NR2F1-AS1: variants seen among roughly 807,000 people sequenced by gnomAD.
NR2F1-AS1 encodes NR2F1 antisense RNA 1.
At chr5:93,507,589 C>T (rs1751213004) in intron 4 of NR2F1-AS1, among the ~76,000 whole-genome samples, 1 of 152,086 alleles carries the variant, frequency 6.6e-6, no homozygotes, top group Non-Finnish European at 1.5e-5. Context: ...AACTCCTGAC[C>T]TCAGGTGATC....
At position 93,445,138 on chromosome 5, in the gene NR2F1-AS1, G is replaced by T. The variant is rs77424895; in HGVS notation, n.639-49596C>A. On this transcript the variant is annotated intron_variant and non_coding_transcript_variant, in intron 4 of 5. Coordinates refer to ENST00000660523, the Ensembl canonical transcript of NR2F1-AS1. ...TGACACCCTAACATCATAATTAAAA[G>T]AACTAGAGAAGCAAGAGCAAACACA... is the stretch of plus-strand genomic sequence containing the variant. Among the ~76,000 whole-genome samples, 45 of 152,114 alleles carry T rather than the reference G, an allele frequency of 3.0e-4. 1 individual carries two copies. The highest frequency in any genetic ancestry group is 2.7e-3 in the Admixed American group (42 of 15,276).
intron 4 of NR2F1-AS1, among the ~76,000 whole-genome samples, chr5:93,427,263 A>T (rs941480545): frequency 2.6e-5 from 4 of 152,210 alleles, no homozygotes; most frequent in African/African-American, 9.7e-5. Flanking sequence ...CATTGAAATC[A>T]AAATAAAATG....
chr5:93,509,681 T>C (rs1212666378), intron 4 of NR2F1-AS1, among the ~76,000 whole-genome samples: 1 of 152,038 alleles, frequency 6.6e-6, no homozygotes, highest in Non-Finnish European at 1.5e-5. Context: ...GTCAAAATAC[T>C]TAACATTGTT....
At chr5:93,521,157 GC>G (rs1407649200) in intron 4 of NR2F1-AS1, among the ~76,000 whole-genome samples, 1 of 152,082 alleles carries the variant, frequency 6.6e-6, no homozygotes, top group Admixed American at 6.6e-5. Context: ...GGGATAACTG[GC>G]TAGCCATATG....
At chr5:93,414,537 C>T (rs1014197455) in intron 4 of NR2F1-AS1, among the ~76,000 whole-genome samples, 4 of 152,106 alleles carry the variant, frequency 2.6e-5, no homozygotes, top group Non-Finnish European at 4.4e-5. Flanking sequence ...CAGCAGTCTC[C>T]GATCTGTGTA....
chr5:93,585,114 C>G, upstream of NR2F1-AS1: 1 of 987,466 alleles, frequency 1.0e-6, no homozygotes, highest in Non-Finnish European at 1.2e-6. Context: ...GCAGGCGGCC[C>G]GCGGCGGCGG....
chr5:93,418,358 G>A (rs1299961523), intron 4 of NR2F1-AS1, among the ~76,000 whole-genome samples: 1 of 152,080 alleles, frequency 6.6e-6, no homozygotes, highest in African/African-American at 2.4e-5. Context: ...GGAGGCCAAG[G>A]TGGGCAGATC....
At chr5:93,495,293 T>C (rs1340177308) in intron 4 of NR2F1-AS1, among the ~76,000 whole-genome samples, 2 of 152,204 alleles carry the variant, frequency 1.3e-5, no homozygotes, top group Non-Finnish European at 1.5e-5. Context: ...TTTTCCATAC[T>C]TTATTCTGTT....
chr5:93,512,214 C>T (rs1751312878), intron 4 of NR2F1-AS1, among the ~76,000 whole-genome samples: 1 of 152,006 alleles, frequency 6.6e-6, no homozygotes, highest in African/African-American at 2.4e-5. Context: ...ATGATCCTAA[C>T]CATGGGTAGG....
intron 4 of NR2F1-AS1, among the ~76,000 whole-genome samples, chr5:93,475,422 T>C (rs1750462379): frequency 6.6e-6 from 1 of 152,202 alleles, no homozygotes; most frequent in South Asian, 2.1e-4. Context: ...TTGTTGCCTT[T>C]GTTATTCTGC....
chr5:93,481,544 T>C (rs906256101), intron 4 of NR2F1-AS1, among the ~76,000 whole-genome samples: 4 of 152,024 alleles, frequency 2.6e-5, no homozygotes, highest in African/African-American at 9.7e-5. Context: ...TGAACAACAC[T>C]ATAAAGCAAC....
chr5:93,532,079 CTT>C (rs2149900989), intron 4 of NR2F1-AS1, among the ~76,000 whole-genome samples: 1 of 152,162 alleles, frequency 6.6e-6, no homozygotes, highest in Admixed American at 6.5e-5. Flanking sequence ...ATCAAAATAT[CTT>C]ACTAGACTGT....
intron 4 of NR2F1-AS1, among the ~76,000 whole-genome samples, chr5:93,509,570 T>C (rs1751254334): frequency 6.6e-6 from 1 of 152,014 alleles, no homozygotes; most frequent in Non-Finnish European, 1.5e-5. Context: ...AAAGTGGTTA[T>C]CTCTGGAGAA....
At chr5:93,539,149 G>C (rs868857520) in intron 4 of NR2F1-AS1, among the ~76,000 whole-genome samples, 1 of 152,112 alleles carries the variant, frequency 6.6e-6, no homozygotes, top group African/African-American at 2.4e-5. Context: ...GTGGTGGTGT[G>C]AGCCTGTAAT....
At chr5:93,539,121 T>C (rs1489252636) in intron 4 of NR2F1-AS1, among the ~76,000 whole-genome samples, 1 of 151,774 alleles carries the variant, frequency 6.6e-6, no homozygotes, top group African/African-American at 2.4e-5. Flanking sequence ...CTACAAAAAA[T>C]AGAAAAATTA....
chr5:93,475,123 CAA>C (rs575698972), intron 4 of NR2F1-AS1, among the ~76,000 whole-genome samples: 26 of 65,048 alleles, frequency 4.0e-4, no homozygotes, highest in Admixed American at 3.7e-4. Context: ...GACTCCATCT[CAA>C]AAAAAAAAAA....
At chr5:93,517,124 A>T (rs751357586) in intron 4 of NR2F1-AS1, among the ~76,000 whole-genome samples, 10 of 151,920 alleles carry the variant, frequency 6.6e-5, no homozygotes, top group Non-Finnish European at 7.4e-5. Flanking sequence ...TGTTTGTCTT[A>T]TTATCATCTT....
At chr5:93,567,017 A>G (rs755751281) in intron 1 of NR2F1-AS1, among the ~76,000 whole-genome samples, 2 of 152,092 alleles carry the variant, frequency 1.3e-5, no homozygotes, top group Non-Finnish European at 2.9e-5. Context: ...TTATGGGCAT[A>G]TACTACTTTT....
At chr5:93,451,893 C>T (rs760546474) in intron 4 of NR2F1-AS1, among the ~76,000 whole-genome samples, 2 of 152,202 alleles carry the variant, frequency 1.3e-5, no homozygotes, top group African/African-American at 4.8e-5. Context: ...GCTTTGCTTA[C>T]AGCTGAGGCT....
Sources: gnomAD v4.1 joint callset for allele counts (sites outside exome capture counted in the v4.1 genomes callset) on GRCh38, gnomAD v4.1.1 for gene constraint, MANE v1.5 for transcripts, NCBI Gene and HGNC (gene_info 2026-07-23, HGNC 2026-07-21) for gene names.